The following PRKAR2A variants were observed in gnomAD, a reference collection of about 807,000 sequenced individuals.
PRKAR2A encodes protein kinase cAMP-dependent type II regulatory subunit alpha, also known as cAMP-dependent protein kinase type II-alpha regulatory subunit.
A neutral mutation model predicts 51.9 loss-of-function variants in PRKAR2A; 29 were observed. The observed-to-expected ratio is 0.56, with a 90% CI of 0.42 to 0.76. The LOEUF (loss-of-function observed/expected upper bound fraction) is 0.76. Ranked by LOEUF, PRKAR2A falls within the 30% of genes least tolerant of loss-of-function variation. The pLI is 0.00. For missense variants in PRKAR2A, 445 were observed against 512.1 expected, an observed-to-expected ratio of 0.87 and a Z score of 1.26; for synonymous variants, 178 against 186.2, an observed-to-expected ratio of 0.96 and a Z score of 0.36.
At chr3:48,838,795 G>A (rs532535545) in intron 1 of PRKAR2A, among the ~76,000 whole-genome samples, 3 of 150,264 alleles carry the variant, frequency 2.0e-5, no homozygotes, top group East Asian at 2.0e-4. Flanking sequence ...CGGCTAACAC[G>A]GTGAAACCCT....
At chr3:48,756,989 T>G (rs1190453881) in intron 8 of PRKAR2A, among the ~76,000 whole-genome samples, 2 of 152,202 alleles carry the variant, frequency 1.3e-5, no homozygotes, top group Non-Finnish European at 2.9e-5. Flanking sequence ...AAGGGGTGCC[T>G]GTGGGTTTCT....
In PRKAR2A at chr3:48,751,618, G is replaced by T. The variant is rs1363733522; in HGVS notation, c.1182C>A (p.Gly394=). The T allele has an allele frequency of 6.2e-7, 1 of 1,613,540 alleles. No individual in the cohort carries two copies. Among genetic ancestry groups the T allele is most frequent in the Non-Finnish European group, 8.5e-7 (1 of 1,179,744 alleles). The change falls in exon 11 of 11, where the codon GGC becomes GGA. Residue 394 remains glycine (G), a synonymous_variant. Transcript: ENST00000265563. The part of the protein sequence containing the change: ...HYEEQLVKMF[G]SSVDLGNLGQ ...CGAGGTTGCCCAGATCCACGCTGGA[G>T]CCAAACATCTTCACCAGCTGTTCCT...
At chr3:48,792,756 C>T (rs1381199903) in intron 3 of PRKAR2A, among the ~76,000 whole-genome samples, 2 of 152,106 alleles carry the variant, frequency 1.3e-5, no homozygotes, top group Admixed American at 6.6e-5. Flanking sequence ...TTACCACACC[C>T]AACCTATAAC....
At chr3:48,827,286 C>G (rs1015072400) in intron 1 of PRKAR2A, among the ~76,000 whole-genome samples, 1 of 150,870 alleles carries the variant, frequency 6.6e-6, no homozygotes, top group Non-Finnish European at 1.5e-5. Flanking sequence ...CTCCAATAAT[C>G]TTCCCCAAAA....
At chr3:48,811,162 G>A (rs1327580506) in intron 1 of PRKAR2A, among the ~76,000 whole-genome samples, 2 of 151,236 alleles carry the variant, frequency 1.3e-5, no homozygotes, top group Non-Finnish European at 2.9e-5. Context: ...GCGCAACAGA[G>A]GGAGACTATC....
At chr3:48,758,595 A>G (rs556457182) in intron 8 of PRKAR2A, among the ~76,000 whole-genome samples, 69 of 152,020 alleles carry the variant, frequency 4.5e-4, no homozygotes, top group African/African-American at 1.6e-3. Context: ...AAAAAAAAAA[A>G]AAAAGAGAAA....
intron 6 of PRKAR2A, among the ~76,000 whole-genome samples, chr3:48,769,804 T>A (rs571752908): frequency 6.6e-6 from 1 of 151,736 alleles, no homozygotes; most frequent in South Asian, 2.1e-4. Context: ...AGACAGAGTC[T>A]CACTCTGTCA....
rs1234765608 is a variant in PRKAR2A at position 48,847,785 on chromosome 3, GCACCGCCGCCGCTGTCACTGGGCAGC to G, written c.-215_-190del. On this transcript the variant is annotated 5_prime_UTR_variant, in exon 1 of 11. Transcript: ENST00000265563. The surrounding 1 kb of genome is among the most constrained non-coding windows in gnomAD (Gnocchi z 4.4). ...ACCCTACGCTACCACGGCCGACCTG[GCACCGCCGCCGCTGTCACTGGGCAGC>G]CGCCGCCGCCGCGGGGACCGACGGG... is the stretch of plus-strand genomic sequence containing the variant. 9.6e-6 allele frequency: 5 copies of G among 521,868 alleles called. No homozygotes were observed. Among genetic ancestry groups the G allele is most frequent in the Non-Finnish European group, 1.5e-5 (5 of 337,632 alleles). The allele number at this position is 521,868 out of a possible 1,614,324, so 32.3% of individuals were successfully genotyped here.
chr3:48,820,847 C>A (rs1190442754), intron 1 of PRKAR2A, among the ~76,000 whole-genome samples: 1 of 152,150 alleles, frequency 6.6e-6, no homozygotes, highest in Non-Finnish European at 1.5e-5. Context: ...GTGAGCTTGA[C>A]TCATGACCAT....
At chr3:48,765,107 A>G (rs751569174) in intron 7 of PRKAR2A, 29 bp from the exon 8 acceptor site, 1 of 1,604,498 alleles carries the variant, frequency 6.2e-7, no homozygotes, top group Non-Finnish European at 8.5e-7. Context: ...AAATAAAAGG[A>G]AAAGACCTTA....
At chr3:48,754,709 G>A (rs1316300358) in intron 9 of PRKAR2A, among the ~76,000 whole-genome samples, 1 of 151,600 alleles carries the variant, frequency 6.6e-6, no homozygotes, top group Admixed American at 6.6e-5. Context: ...AGGGACGGAG[G>A]TTGCAGTAAG....
chr3:48,791,672 C>T (rs529347616), intron 3 of PRKAR2A, among the ~76,000 whole-genome samples: 4 of 148,104 alleles, frequency 2.7e-5, no homozygotes, highest in African/African-American at 1.0e-4. Flanking sequence ...TTTGAGAGGC[C>T]GAGGTGGGTG....
intron 6 of PRKAR2A, among the ~76,000 whole-genome samples, chr3:48,769,214 G>A (rs1022928181): frequency 6.9e-6 from 1 of 145,352 alleles, no homozygotes; most frequent in African/African-American, 2.6e-5. Flanking sequence ...CTGGAGTGCA[G>A]TGGCACAATC....
chr3:48,831,758 A>G (rs2083191727), intron 1 of PRKAR2A, among the ~76,000 whole-genome samples: 1 of 152,022 alleles, frequency 6.6e-6, no homozygotes, highest in African/African-American at 2.4e-5. Context: ...CTGGGATTAC[A>G]GGTGTGCACC....
At position 48,839,287 on chromosome 3, in the gene PRKAR2A, TA is replaced by T. The variant is rs749588693; in HGVS notation, c.262+8047del. 7.5e-3 allele frequency among the ~76,000 whole-genome samples: 898 copies of T among 119,442 alleles called. 1 individual carries two copies. Among genetic ancestry groups the T allele is most frequent in the Middle Eastern group, 0.014 (3 of 212 alleles). 78.4% of individuals were successfully genotyped at this position (119,442 alleles called of 152,430 possible). On this transcript the variant is annotated intron_variant, in intron 1 of 10. Coordinates refer to ENST00000265563, the MANE Select transcript of PRKAR2A (RefSeq NM_004157.4). ...TGGACAACAAGAGCAAAATTCCGTC[TA>T]AAAAAAAAAAAAAAATTATTATGGT...
intron 8 of PRKAR2A, among the ~76,000 whole-genome samples, chr3:48,763,401 A>T (rs960672429): frequency 2.0e-5 from 3 of 152,136 alleles, no homozygotes; most frequent in African/African-American, 7.2e-5. Flanking sequence ...AAGAGCACAG[A>T]CCATGAAGAA....
At chr3:48,805,436 T>A (rs2082664677) in intron 2 of PRKAR2A, among the ~76,000 whole-genome samples, 1 of 152,184 alleles carries the variant, frequency 6.6e-6, no homozygotes, top group African/African-American at 2.4e-5. Flanking sequence ...TTGGCGGATT[T>A]AGCTGAAGAC....
At chr3:48,771,251 T>C (rs1347957038) in intron 6 of PRKAR2A, among the ~76,000 whole-genome samples, 6 of 152,170 alleles carry the variant, frequency 3.9e-5, no homozygotes, top group Non-Finnish European at 8.8e-5. Context: ...CTCATGCCTG[T>C]AATTCCAGCA....
At chr3:48,774,802 TTC>T (rs2082081713) in intron 5 of PRKAR2A, among the ~76,000 whole-genome samples, 1 of 152,146 alleles carries the variant, frequency 6.6e-6, no homozygotes, top group Non-Finnish European at 1.5e-5. Context: ...ATGCCACACT[TTC>T]TTTCTTTCTT....
Sources: gnomAD v4.1 joint callset for allele counts (sites outside exome capture counted in the v4.1 genomes callset) on GRCh38, gnomAD v4.1.1 for gene constraint, Gnocchi (gnomAD v3.1) non-coding constraint, MANE v1.5 for transcripts, NCBI Gene and HGNC (gene_info 2026-07-23, HGNC 2026-07-21) for gene names.